Variants in COQ6 observed in about 807,000 individuals in gnomAD.
COQ6 encodes the protein coenzyme Q6, monooxygenase.
In COQ6, 45 loss-of-function variants were observed where a neutral mutation model predicts 55.5. The observed-to-expected ratio is 0.81, with a 90% CI of 0.64 to 1.04. COQ6 has a LOEUF of 1.04. COQ6 is among the 50% of genes least tolerant of loss of function. The pLI, the probability that COQ6 is intolerant of heterozygous loss-of-function variation, is 0.00. For missense variants in COQ6, 550 were observed against 601.3 expected (o/e 0.91, Z 0.89); for synonymous variants, 206 against 230.5 (o/e 0.89, Z 0.96).
Position 73,950,613 on chromosome 14 carries a change from T to C in COQ6, c.163+118T>C, listed in dbSNP as rs2056151015. On this transcript the variant is annotated intron_variant, in intron 1 of 11. Coordinates refer to ENST00000334571, the MANE Select transcript of COQ6 (RefSeq NM_182476.3). ...AATTTCTCAGGTCTCGCGACGCTTC[T>C]CCCCTCCCCTCCTAGAGGAACCCCA... 11 of 1,416,448 alleles carry C rather than the reference T, an allele frequency of 7.8e-6. No individual in the cohort carries two copies. The South Asian group carries it at 1.4e-4, about 18-fold the overall frequency. The allele number at this position is 1,416,448 out of a possible 1,614,324, so 87.7% of individuals were successfully genotyped here. A position where few individuals can be genotyped will look rare whatever the true frequency, so the allele number is the denominator to read the frequency against.
At position 73,959,442 on chromosome 14, in the gene COQ6, T is replaced by G. The variant is rs765384354; in HGVS notation, c.811T>G (p.Trp271Gly). 2.5e-6 allele frequency: 4 copies of G among 1,614,128 alleles called. No individual in the cohort carries two copies. The highest frequency in any genetic ancestry group is 3.4e-6 in the Non-Finnish European group (4 of 1,180,060). Residue 271 changes from tryptophan to glycine, a missense_variant, in exon 8 of 12, where the codon TGG (tryptophan) becomes GGG (glycine). Transcript: ENST00000334571. ...CTCAGACACCTTGAGTTCCTTGGTT[T>G]GGTCCACGTCCCATGAACATGCAGC... Reference protein sequence around the residue: ...PLSDTLSSLVWSTSHEHAAEL... With the variant: ...PLSDTLSSLVGSTSHEHAAEL...
chr14:73,956,347 C>T (rs1050626429), intron 4 of COQ6: 58 of 201,802 alleles, frequency 2.9e-4, no homozygotes, highest in African/African-American at 1.2e-3. Context: ...AAAAAAATTC[C>T]TCTGATGATT....
Position 73,955,928 on chromosome 14 carries a change from G to A in COQ6, c.481G>A (p.Asp161Asn). 1 of 1,613,990 alleles carries A rather than the reference G, an allele frequency of 6.2e-7. No homozygotes were observed. ...CACTAAGCAGTTGGAGGCTGTGTCT[G>A]GTGAGGCCCCCATCTTCCACCTTGC... ...ALTKQLEAVSDRVTVLYRSKA... is the reference protein window; with the variant it reads ...ALTKQLEAVSNRVTVLYRSKA... Residue 161 changes from aspartate to asparagine, a missense_variant and splice_region_variant, in exon 4 of 12, where the codon GAC (aspartate) becomes AAC (asparagine). Asp to Asn is a conservative substitution (Grantham distance 23, BLOSUM62 1). Transcript: ENST00000334571.
At chr14:73,952,155 C>T (rs1442384614) in intron 1 of COQ6, among the ~76,000 whole-genome samples, 1 of 118,906 alleles carries the variant, frequency 8.4e-6, no homozygotes, top group East Asian at 2.8e-4. Flanking sequence ...AGAGTCTCTG[C>T]TCTGTCACCC....
chr14:73,959,475 G>T lies in COQ6; in HGVS notation c.844G>T (p.Val282Phe). The change falls in exon 8 of 12, where the codon GTT (valine) becomes TTT (phenylalanine). Residue 282 changes from valine (V) to phenylalanine (F), a missense_variant. Coordinates refer to ENST00000334571, the MANE Select transcript of COQ6 (RefSeq NM_182476.3). The part of the protein sequence containing the change: ...STSHEHAAEL[V>F]SMDEEKFVDA... ...GTCCCATGAACATGCAGCAGAGCTA[G>T]TTAGCATGGATGAGGAAAAATTTGT... 1 of 1,614,210 alleles carries T rather than the reference G, an allele frequency of 6.2e-7. No homozygotes were observed. Among genetic ancestry groups the T allele is most frequent in the Non-Finnish European group, 8.5e-7 (1 of 1,180,044 alleles).
rs2056391224 is a variant in COQ6, at chr14:73,955,500, G to A, written c.348G>A (p.Arg116=). Residue 116 remains arginine (R), a synonymous_variant, in exon 3 of 12, where the codon CGG becomes CGA. Coordinates refer to ENST00000334571, the MANE Select transcript of COQ6 (RefSeq NM_182476.3). ...HICNMRYRAF[R]RMQVWDACSE... The stretch of plus-strand genomic sequence containing the variant: ...GCAACATGAGATACAGAGCCTTTCG[G>A]CGAATGCAGGTGCCCCTTTATCTTT... 1 of 1,614,012 alleles carries A rather than the reference G, an allele frequency of 6.2e-7. No homozygotes were observed. The highest frequency in any genetic ancestry group is 2.2e-5 in the East Asian group (1 of 44,886).
intron 4 of COQ6, chr14:73,957,868 C>T (rs1303729534): frequency 7.2e-6 from 3 of 415,110 alleles, no homozygotes; most frequent in Non-Finnish European, 9.0e-6. Flanking sequence ...CTCATTTAAG[C>T]GTAGAGTGAA....
chr14:73,962,911 T>A (rs2056816753), intron 11 of COQ6, 59 bp from the exon 12 acceptor site: 1 of 1,366,618 alleles, frequency 7.3e-7, no homozygotes, highest in East Asian at 2.3e-5. Context: ...TTATCTACAA[T>A]AATTATTTTC....
chr14:73,960,637 C>G, intron 8 of COQ6: 2 of 1,023,614 alleles, frequency 2.0e-6, no homozygotes, highest in Non-Finnish European at 2.4e-6. Flanking sequence ...TCTGGAGATA[C>G]TGAGAACAGT....
At chr14:73,954,843 C>CAAAAAAAAAAAAAAAAAAAAAAA (rs1216623718) in intron 2 of COQ6, among the ~76,000 whole-genome samples, 5 of 56,314 alleles carry the variant, frequency 8.9e-5, no homozygotes, top group African/African-American at 3.3e-4. Flanking sequence ...GATTCCGTCT[C>CAAAAAAAAAAAAAAAAAAAAAAA]AAAAAAAAAA....
Position 73,961,787 on chromosome 14 carries a change from A to G in COQ6, c.1261A>G (p.Thr421Ala), listed in dbSNP as rs755355422. The G allele has an allele frequency of 1.2e-6, 2 of 1,614,008 alleles. No individual in the cohort carries two copies. Among genetic ancestry groups the G allele is most frequent in the South Asian group, 1.1e-5 (1 of 91,078 alleles). The change falls in exon 11 of 12, where the codon ACT becomes GCT. Residue 421 changes from threonine (T) to alanine (A), a missense_variant. Thr to Ala is a moderately conservative substitution (Grantham distance 58, BLOSUM62 0). Coordinates refer to ENST00000334571, the MANE Select transcript of COQ6 (RefSeq NM_182476.3). ...TGAAACAGAAAGACAGCGTCACAAC[A>G]CTGCTCTTCTGGCTGCTACAGACTT... Reference protein sequence around the residue: ...GYETERQRHNTALLAATDLLK... With the variant: ...GYETERQRHNAALLAATDLLK...
intron 1 of COQ6, 198 bp downstream of exon 1, chr14:73,950,693 G>A: frequency 1.3e-6 from 1 of 758,542 alleles, no homozygotes; most frequent in Non-Finnish European, 2.1e-6. Flanking sequence ...AAAAGTGGGA[G>A]GGGCGTTCAG....
At chr14:73,957,364 C>T (rs1284015127) in intron 4 of COQ6, among the ~76,000 whole-genome samples, 3 of 152,174 alleles carry the variant, frequency 2.0e-5, no homozygotes, top group Non-Finnish European at 4.4e-5. Flanking sequence ...GGATTACAGG[C>T]GTAAGCCACT....
intron 5 of COQ6, chr14:73,958,730 CTGGCTGAGTTTAACTCA>C: frequency 7.1e-7 from 1 of 1,417,478 alleles, no homozygotes; most frequent in Non-Finnish European, 9.2e-7. Flanking sequence ...TCAGGAGGGC[CTGGCTGAGTTTAACTCA>C]TGGCTGGCAC....
Position 73,958,156 on chromosome 14 carries a change from C to T in COQ6, c.491C>T (p.Thr164Met), listed in dbSNP as rs151332337. The T allele has an allele frequency of 5.0e-6, 8 of 1,613,844 alleles. No individual in the cohort carries two copies. The highest frequency in any genetic ancestry group is 2.2e-5 in the South Asian group (2 of 91,080). ...CTTTTGACCTCCCCAGACCGAGTGA[C>T]GGTTCTCTACAGGAGCAAAGCCATT... is the stretch of plus-strand genomic sequence containing the variant. ...KQLEAVSDRV[T>M]VLYRSKAIRY... Residue 164 changes from threonine to methionine, a missense_variant, in exon 5 of 12, where the codon ACG (threonine) becomes ATG (methionine). Transcript: ENST00000334571.
Position 73,955,807 on chromosome 14 carries a change from G to GT in COQ6, c.361dup (p.Trp121LeufsTer12). 6.2e-7 allele frequency: 1 copy of GT among 1,614,158 alleles called. No homozygotes were observed. The highest frequency in any genetic ancestry group is 8.5e-7 in the Non-Finnish European group (1 of 1,180,024). On this transcript the variant is annotated frameshift_variant, in exon 4 of 12. Transcript: ENST00000334571. LOFTEE classifies it high-confidence loss of function. Reference sequence around the variant, plus strand: ...AGACTTTCCTTTTGTGTTTCCAGGTGTGGGACGCCTGCTCAGAGGCCCTGA... The same window carrying GT: ...AGACTTTCCTTTTGTGTTTCCAGGTGTTGGGACGCCTGCTCAGAGGCCCTGA...
chr14:73,960,385 T>C lies in COQ6; in HGVS notation c.892-788T>C, dbSNP rs192411372. ...TGGAGTAGACACAGCCTTTGGATAATATGGGTACCAGTATTACTTTTGGAG... is the reference window on the plus strand; with the variant it reads ...TGGAGTAGACACAGCCTTTGGATAACATGGGTACCAGTATTACTTTTGGAG... On this transcript the variant is annotated intron_variant, in intron 8 of 11. Transcript: ENST00000334571. The C allele has an allele frequency of 7.1e-6, 7 of 987,592 alleles. No individual in the cohort carries two copies. The Admixed American group carries it at 3.6e-4, about 50-fold the overall frequency. The allele number at this position is 987,592 out of a possible 1,614,324, so 61.2% of individuals were successfully genotyped here.
Position 73,956,090 on chromosome 14 carries a change from T to C in COQ6, c.481+162T>C, listed in dbSNP as rs901852159. ...CTGTAATCCCAGCACTTTTGGAGGCTAAGGCGGGCGGATCACGAGGTCAGG... is the reference window on the plus strand; with the variant it reads ...CTGTAATCCCAGCACTTTTGGAGGCCAAGGCGGGCGGATCACGAGGTCAGG... On this transcript the variant is annotated intron_variant, in intron 4 of 11. Coordinates refer to ENST00000334571, the MANE Select transcript of COQ6 (RefSeq NM_182476.3). 203 of 945,240 alleles carry C rather than the reference T, an allele frequency of 2.1e-4. 4 individuals are homozygous for C. Among genetic ancestry groups the C allele is most frequent in the South Asian group, 2.0e-3 (147 of 74,308 alleles). 58.6% of individuals were successfully genotyped at this position (945,240 alleles called of 1,614,324 possible).
chr14:73,950,592 T>G, intron 1 of COQ6, 97 bp downstream of exon 1: 1 of 1,477,692 alleles, frequency 6.8e-7, no homozygotes, highest in Non-Finnish European at 9.0e-7. Context: ...AAAGACAATT[T>G]CTCAGGTCTC....
Sources: allele counts gnomAD v4.1 joint callset (sites outside exome capture counted in the v4.1 genomes callset), GRCh38; gene constraint gnomAD v4.1.1; transcripts MANE v1.5; gene names NCBI Gene and HGNC (gene_info 2026-07-23, HGNC 2026-07-21).